The following CFAP91 variants were observed in gnomAD, a reference collection of about 807,000 sequenced individuals.
The protein encoded by CFAP91 is cilia and flagella associated protein 91.
A neutral mutation model predicts 95.9 loss-of-function variants in CFAP91; 85 were observed. That is an observed-to-expected ratio of 0.89 (90% CI 0.74 to 1.06). The LOEUF (loss-of-function observed/expected upper bound fraction) is 1.06, where lower values mean the gene tolerates loss of function less well. Ranked by LOEUF, CFAP91 falls within the 50% of genes least tolerant of loss-of-function variation. The pLI, the probability that CFAP91 is intolerant of heterozygous loss-of-function variation, is 0.00. For missense variants in CFAP91, 962 were observed against 943.4 expected (o/e 1.02, Z -0.26); for synonymous variants, 335 against 327.5 (o/e 1.02, Z -0.25).
intron 6 of CFAP91, among the ~76,000 whole-genome samples, chr3:119,720,122 C>T (rs1400131967): frequency 6.6e-6 from 1 of 150,588 alleles, no homozygotes; most frequent in African/African-American, 2.4e-5. Flanking sequence ...GACGCGGTGG[C>T]TCACCCCTGT....
chr3:119,726,985 G>T (rs1457462242), intron 7 of CFAP91, among the ~76,000 whole-genome samples: 1 of 151,966 alleles, frequency 6.6e-6, no homozygotes, highest in Non-Finnish European at 1.5e-5. Flanking sequence ...CTTGTGGTTG[G>T]GTTTTCAATT....
intron 17 of CFAP91, 101 bp downstream of exon 17, chr3:119,751,199 T>A (rs1483529957): frequency 1.5e-6 from 2 of 1,326,956 alleles, no homozygotes; most frequent in East Asian, 5.0e-5. Context: ...TGAAGATTGC[T>A]GTTTAAGAAA....
Position 119,726,339 on chromosome 3 carries a change from AG to A in CFAP91, c.852del (p.Ile285LeufsTer12). On this transcript the variant is annotated frameshift_variant, in exon 7 of 18. Transcript: ENST00000273390. LOFTEE classifies it high-confidence loss of function. The part of the protein sequence containing the change: ...ERKEWAFREQ[E>X]IEKLQEIRLE... ...AAGGAGTGGGCCTTCAGAGAGCAGG[AG>A]ATTGAAAAGTAGGTTCTCTATCACC... The A allele has an allele frequency of 1.2e-6, 2 of 1,610,896 alleles. No homozygotes were observed. Among genetic ancestry groups the A allele is most frequent in the South Asian group, 2.2e-5 (2 of 90,488 alleles).
In CFAP91 at chr3:119,765,285, T is replaced by G. The variant is rs768843352; in HGVS notation, c.*235T>G. The G allele has an allele frequency of 1.2e-4, 19 of 152,204 alleles. No individual in the cohort carries two copies. Among genetic ancestry groups the G allele is most frequent in the Non-Finnish European group, 2.1e-4 (14 of 68,036 alleles). 9.4% of individuals were successfully genotyped at this position (152,204 alleles called of 1,614,324 possible). Reference sequence around the variant, plus strand: ...AGATGCCCTACTTAAAGAGAACATTTTCTTATGTCTCATTTCAATATTTTG... The same window carrying G: ...AGATGCCCTACTTAAAGAGAACATTGTCTTATGTCTCATTTCAATATTTTG... On this transcript the variant is annotated 3_prime_UTR_variant, in exon 18 of 18. Transcript: ENST00000273390.
At position 119,726,067 on chromosome 3, in the gene CFAP91, T is replaced by C. The variant is rs2053776313; in HGVS notation, c.683-104T>C. 19 of 976,484 alleles carry C rather than the reference T, an allele frequency of 1.9e-5. No individual in the cohort carries two copies. In the South Asian group the frequency reaches 3.6e-4, roughly 18 times the overall value. The allele number at this position is 976,484 out of a possible 1,614,324, so 60.5% of individuals were successfully genotyped here. A position where few individuals can be genotyped will look rare whatever the true frequency, so the allele number is the denominator to read the frequency against. ...ATGTCATGTTATGCTGTCATGGCCC[T>C]TGAATTTGGAGAAGAGGAAAGGAAC... On this transcript the variant is annotated intron_variant, in intron 6 of 17. Transcript: ENST00000273390.
At chr3:119,742,608 C>G (rs2054142854) in intron 13 of CFAP91, among the ~76,000 whole-genome samples, 1 of 152,212 alleles carries the variant, frequency 6.6e-6, no homozygotes, top group African/African-American at 2.4e-5. Context: ...AGGAGAGAAT[C>G]TATTTGTGAT....
intron 13 of CFAP91, among the ~76,000 whole-genome samples, chr3:119,743,209 C>A (rs2054154406): frequency 6.6e-6 from 1 of 151,698 alleles, no homozygotes; most frequent in Non-Finnish European, 1.5e-5. Flanking sequence ...CCTCTGCCTC[C>A]TGGGCGCAGG....
chr3:119,754,764 C>G (rs533773013), intron 17 of CFAP91, among the ~76,000 whole-genome samples: 1 of 152,340 alleles, frequency 6.6e-6, no homozygotes, highest in African/African-American at 2.4e-5. Flanking sequence ...CTCAGCAGAG[C>G]TATGGGGTGG....
At chr3:119,720,404 AAAAAAG>A (rs1167025553) in intron 6 of CFAP91, among the ~76,000 whole-genome samples, 30 of 147,144 alleles carry the variant, frequency 2.0e-4, no homozygotes, top group Admixed American at 4.2e-4. Flanking sequence ...CTCAAAAAAA[AAAAAAG>A]AAAAGAAAAC....
intron 7 of CFAP91, 103 bp from the exon 8 acceptor site, chr3:119,730,117 A>G: frequency 8.0e-7 from 1 of 1,244,346 alleles, no homozygotes; most frequent in Non-Finnish European, 1.1e-6. Context: ...CAATACATGA[A>G]TATGATAGCA....
intron 6 of CFAP91, 49 bp downstream of exon 6, chr3:119,715,792 C>A: frequency 6.5e-7 from 1 of 1,541,354 alleles, no homozygotes; most frequent in Non-Finnish European, 9.0e-7. Context: ...TGCTGATAAC[C>A]ACGCATGCTG....
At chr3:119,737,992 A>G (rs748528915) in intron 11 of CFAP91, among the ~76,000 whole-genome samples, 4 of 152,350 alleles carry the variant, frequency 2.6e-5, no homozygotes, top group South Asian at 2.1e-4. Context: ...CTCAGACTAA[A>G]CAAATCCACA....
In CFAP91 at chr3:119,710,029, T is replaced by C. The variant is rs2053445094; in HGVS notation, c.500+134T>C. ...CAAAACATTAGAAGGGTATGAAATC[T>C]TCTAGTGTGTCATGAGCAGCATTTT... On this transcript the variant is annotated intron_variant, in intron 5 of 17. Coordinates refer to ENST00000273390, the MANE Select transcript of CFAP91 (RefSeq NM_033364.4). The C allele has an allele frequency of 2.0e-5, 14 of 684,308 alleles. 1 individual carries two copies. The South Asian group carries it at 2.2e-4, about 11-fold the overall frequency. The allele number at this position is 684,308 out of a possible 1,614,324, so 42.4% of individuals were successfully genotyped here.
At chr3:119,742,169 G>T (rs2054133644) in intron 13 of CFAP91, among the ~76,000 whole-genome samples, 1 of 152,186 alleles carries the variant, frequency 6.6e-6, no homozygotes, top group Non-Finnish European at 1.5e-5. Flanking sequence ...ACATGTGAGT[G>T]AAATCGTGTC....
At chr3:119,753,956 C>T (rs969731746) in intron 17 of CFAP91, among the ~76,000 whole-genome samples, 1 of 152,216 alleles carries the variant, frequency 6.6e-6, no homozygotes, top group Non-Finnish European at 1.5e-5. Flanking sequence ...GTTGTTTAAG[C>T]CATCTAGTCT....
intron 14 of CFAP91, among the ~76,000 whole-genome samples, chr3:119,745,677 T>C (rs1021046209): frequency 1.3e-5 from 2 of 152,248 alleles, no homozygotes; most frequent in African/African-American, 4.8e-5. Flanking sequence ...GGGTGGGCTC[T>C]ATGAGAGCAT....
intron 1 of CFAP91, among the ~76,000 whole-genome samples, chr3:119,704,875 T>C (rs1320719741): frequency 6.6e-6 from 1 of 152,220 alleles, no homozygotes; most frequent in Non-Finnish European, 1.5e-5. Flanking sequence ...AATACCATTG[T>C]GTTACAACTG....
chr3:119,717,738 G>A (rs937617647), intron 6 of CFAP91, among the ~76,000 whole-genome samples: 5 of 152,030 alleles, frequency 3.3e-5, no homozygotes, highest in Admixed American at 6.6e-5. Context: ...ATGCATGCCC[G>A]TGATTACCCC....
At chr3:119,764,993 C>T (rs752235932) in intron 17 of CFAP91, 59 bp from the exon 18 acceptor site, 8 of 152,090 alleles carry the variant, frequency 5.3e-5, no homozygotes, top group African/African-American at 9.7e-5. Context: ...ATGTATTGAT[C>T]TGATAATGTT....
Sources: gnomAD v4.1 joint callset for allele counts (sites outside exome capture counted in the v4.1 genomes callset) on GRCh38, gnomAD v4.1.1 for gene constraint, MANE v1.5 for transcripts, NCBI Gene and HGNC (gene_info 2026-07-23, HGNC 2026-07-21) for gene names.